SESN2: variants seen among roughly 807,000 people sequenced by gnomAD.
The protein encoded by SESN2 is sestrin 2, also known as sestrin-2.
A neutral mutation model predicts 56.0 loss-of-function variants in SESN2; 42 were observed. That is an observed-to-expected ratio of 0.75 (90% confidence interval 0.59 to 0.97). SESN2 has a LOEUF of 0.97. SESN2 is among the 50% of genes least tolerant of loss of function. The pLI, the probability that SESN2 is intolerant of heterozygous loss-of-function variation, is 0.00. For missense variants in SESN2, 507 were observed against 649.4 expected, an observed-to-expected ratio of 0.78 and a Z score of 2.38; for synonymous variants, 264 against 267.1, an observed-to-expected ratio of 0.99 and a Z score of 0.11.
At chr1:28,260,794 C>T (rs906016914) in intron 1 of SESN2, among the ~76,000 whole-genome samples, 6 of 151,326 alleles carry the variant, frequency 4.0e-5, no homozygotes, top group African/African-American at 1.5e-4. Flanking sequence ...ACTGACAGTT[C>T]GCACTCCCCC....
intron 8 of SESN2, 107 bp from the exon 9 acceptor site, chr1:28,278,990 T>TG: frequency 2.7e-6 from 3 of 1,115,184 alleles, no homozygotes; most frequent in Non-Finnish European, 4.0e-6. Context: ...TTCTACCTTC[T>TG]GATTTTTCTC....
In SESN2 at chr1:28,277,539, G is replaced by GT. The variant is rs145205100; in HGVS notation, c.1212-1557dup. On this transcript the variant is annotated intron_variant, in intron 8 of 9. Transcript: ENST00000253063. Reference sequence around the variant, plus strand: ...CACCTTTCTTTTTTTCTATGCACAAGTAACCAAAGCATATATAATTTACAA... The same window carrying GT: ...CACCTTTCTTTTTTTCTATGCACAAGTTAACCAAAGCATATATAATTTACAA... 8.8e-3 allele frequency among the ~76,000 whole-genome samples: 1,333 copies of GT among 152,216 alleles called. 12 individuals carry two copies. Among genetic ancestry groups the GT allele is most frequent in the South Asian group, 0.027 (131 of 4,822 alleles).
At chr1:28,270,602 GTTC>G (rs1647734584) in intron 2 of SESN2, among the ~76,000 whole-genome samples, 1 of 145,932 alleles carries the variant, frequency 6.9e-6, no homozygotes, top group Non-Finnish European at 1.5e-5. Context: ...ACGAAGTTTT[GTTC>G]TTGTTGCCCA....
chr1:28,270,809 T>C (rs1363259567), intron 2 of SESN2, among the ~76,000 whole-genome samples: 1 of 152,180 alleles, frequency 6.6e-6, no homozygotes, highest in Non-Finnish European at 1.5e-5. Context: ...CCTTAGGTGA[T>C]CTGCCCATCT....
intron 5 of SESN2, among the ~76,000 whole-genome samples, chr1:28,273,120 A>G (rs751649478): frequency 6.6e-5 from 10 of 152,240 alleles, no homozygotes; most frequent in Non-Finnish European, 1.2e-4. Flanking sequence ...ATGTTTCAAT[A>G]CAAAAATACA....
In SESN2 at chr1:28,273,435, G is replaced by A. The variant is rs746982161; in HGVS notation, c.828G>A (p.Glu276=). The A allele has an allele frequency of 3.1e-6, 5 of 1,611,860 alleles. No individual in the cohort carries two copies. The South Asian group carries it at 5.5e-5, about 18-fold the overall frequency. Residue 276 remains glutamate, a synonymous_variant, in exon 6 of 10, where the codon GAG becomes GAA. Coordinates refer to ENST00000253063, the MANE Select transcript of SESN2 (RefSeq NM_031459.5). ...QQLQESLLRD[E]GTSQEEMESR... ...TGCAGGAGAGCCTGCTGCGGGATGA[G>A]GGGACGTCCCAGGAGGAGATGGAGA...
At chr1:28,265,631 G>T (rs1647534236) in intron 1 of SESN2, among the ~76,000 whole-genome samples, 1 of 152,252 alleles carries the variant, frequency 6.6e-6, no homozygotes, top group Admixed American at 6.5e-5. Flanking sequence ...CCAACCTCTG[G>T]TGATCCGCCT....
At chr1:28,266,616 G>A (rs1383665837) in intron 1 of SESN2, among the ~76,000 whole-genome samples, 1 of 142,922 alleles carries the variant, frequency 7.0e-6, no homozygotes, top group Non-Finnish European at 1.5e-5. Context: ...CTGGAATGCC[G>A]TGGTGCGATC....
In SESN2 at chr1:28,278,952, C is replaced by G. The variant is rs570474340; in HGVS notation, c.1212-145C>G. On this transcript the variant is annotated intron_variant, in intron 8 of 9. Coordinates refer to ENST00000253063, the MANE Select transcript of SESN2 (RefSeq NM_031459.5). Reference sequence around the variant, plus strand: ...TGTGATAACACGATATCAGCTGTTTCTCCAAGAGGAACTAGGCTTCTTGTT... The same window carrying G: ...TGTGATAACACGATATCAGCTGTTTGTCCAAGAGGAACTAGGCTTCTTGTT... 1.0e-5 allele frequency: 8 copies of G among 767,812 alleles called. No individual in the cohort carries two copies. In the African/African-American group the frequency reaches 1.2e-4, roughly 12 times the overall value. The allele number at this position is 767,812 out of a possible 1,614,324, so 47.6% of individuals were successfully genotyped here.
At chr1:28,277,547 A>G (rs1648095297) in intron 8 of SESN2, among the ~76,000 whole-genome samples, 1 of 152,118 alleles carries the variant, frequency 6.6e-6, no homozygotes, top group Non-Finnish European at 1.5e-5. Flanking sequence ...AAGTAACCAA[A>G]GCATATATAA....
chr1:28,260,166 C>T (rs1165485405), intron 1 of SESN2, among the ~76,000 whole-genome samples: 8 of 149,030 alleles, frequency 5.4e-5, no homozygotes, highest in Admixed American at 1.3e-4. Flanking sequence ...CTCCCTCCCT[C>T]TCCCCCTCTC....
chr1:28,281,909 G>A lies in SESN2; in HGVS notation c.*1107G>A, dbSNP rs571825905. The A allele has an allele frequency of 1.3e-4, 20 of 152,378 alleles. No homozygotes were observed. The highest frequency in any genetic ancestry group is 4.6e-4 in the African/African-American group (19 of 41,566). The allele number at this position is 152,378 out of a possible 1,614,324, so 9.4% of individuals were successfully genotyped here. ...CTGAAGCTGCCCCTGGGATTCTCAG[G>A]CCAACCTGCCAACAGCAAGCGGATT... On this transcript the variant is annotated 3_prime_UTR_variant, in exon 10 of 10. Coordinates refer to ENST00000253063, the MANE Select transcript of SESN2 (RefSeq NM_031459.5).
At chr1:28,274,620 A>G (rs1647955813) in intron 7 of SESN2, among the ~76,000 whole-genome samples, 1 of 152,110 alleles carries the variant, frequency 6.6e-6, no homozygotes, top group African/African-American at 2.4e-5. Flanking sequence ...ACCCATCTAT[A>G]CCCTAAGCTC....
At chr1:28,264,439 T>C (rs2149036257) in intron 1 of SESN2, among the ~76,000 whole-genome samples, 1 of 152,360 alleles carries the variant, frequency 6.6e-6, no homozygotes, top group South Asian at 2.1e-4. Context: ...GGGTTAACTT[T>C]AGTGTTCCTG....
At chr1:28,262,665 G>A (rs1233486205) in intron 1 of SESN2, among the ~76,000 whole-genome samples, 2 of 142,030 alleles carry the variant, frequency 1.4e-5, no homozygotes, top group South Asian at 2.3e-4. Context: ...GCGGTGGCTC[G>A]CACCTGTAAT....
At chr1:28,277,575 A>G (rs954756193) in intron 8 of SESN2, among the ~76,000 whole-genome samples, 2 of 152,188 alleles carry the variant, frequency 1.3e-5, no homozygotes, top group African/African-American at 4.8e-5. Flanking sequence ...AAACAAGATC[A>G]GTTGCCATTT....
intron 3 of SESN2, among the ~76,000 whole-genome samples, 195 bp downstream of exon 3, chr1:28,272,066 A>T (rs1026138239): frequency 6.6e-6 from 1 of 152,180 alleles, no homozygotes; most frequent in African/African-American, 2.4e-5. Context: ...GAAGAAAGGC[A>T]TCGTTAGTGC....
intron 1 of SESN2, among the ~76,000 whole-genome samples, chr1:28,266,622 C>T (rs898935844): frequency 2.1e-5 from 3 of 140,148 alleles, no homozygotes; most frequent in Non-Finnish European, 3.0e-5. Flanking sequence ...TGCCGTGGTG[C>T]GATCATAGCT....
chr1:28,268,482 A>G (rs1647634268), intron 1 of SESN2, among the ~76,000 whole-genome samples: 3 of 152,088 alleles, frequency 2.0e-5, no homozygotes, highest in Non-Finnish European at 4.4e-5. Context: ...CCTGGCCAAC[A>G]TGGAGAAACC....
Sources: gnomAD v4.1 joint callset for allele counts (sites outside exome capture counted in the v4.1 genomes callset) on GRCh38, gnomAD v4.1.1 for gene constraint, MANE v1.5 for transcripts, NCBI Gene and HGNC (gene_info 2026-07-23, HGNC 2026-07-21) for gene names.